ADRA1B: variants seen among roughly 807,000 people sequenced by gnomAD.
ADRA1B encodes alpha-1B adrenergic receptor.
A neutral mutation model predicts 17.9 loss-of-function variants in ADRA1B; 17 were observed. That is an observed-to-expected ratio of 0.95 (90% CI 0.65 to 1.42). The LOEUF (loss-of-function observed/expected upper bound fraction) is 1.42, where lower values mean the gene tolerates loss of function less well. ADRA1B is among the 40% of genes most tolerant of loss of function. The pLI, the probability that ADRA1B is intolerant of heterozygous loss-of-function variation, is 0.00. For synonymous variants in ADRA1B, 366 were observed against 327.6 expected (o/e 1.12, Z -1.27); for missense variants, 681 against 722.1 (o/e 0.94, Z 0.65).
At chr5:159,961,295 T>C (rs2113281061) in intron 1 of ADRA1B, among the ~76,000 whole-genome samples, 2 of 152,340 alleles carry the variant, frequency 1.3e-5, no homozygotes, top group Middle Eastern at 6.8e-3. Flanking sequence ...CAATAGAGAA[T>C]GTTTGTAAAT....
chr5:159,906,052 G>A (rs148225423), intron 1 of ADRA1B, among the ~76,000 whole-genome samples: 4 of 152,092 alleles, frequency 2.6e-5, no homozygotes, highest in Non-Finnish European at 2.9e-5. Flanking sequence ...ATAGGGTTTC[G>A]CCACATTGGC....
chr5:159,971,879 GCTCCTTGTTCTCCACCCT>G lies in ADRA1B; in HGVS notation c.951_968del (p.Ser318_Leu323del). 2 of 1,328,030 alleles carry G rather than the reference GCTCCTTGTTCTCCACCCT, an allele frequency of 1.5e-6. No homozygotes were observed. The highest frequency in any genetic ancestry group is 1.5e-5 in the African/African-American group (1 of 64,590). 82.3% of individuals were successfully genotyped at this position (1,328,030 alleles called of 1,614,324 possible). A position where few individuals can be genotyped will look rare whatever the true frequency, so the allele number is the denominator to read the frequency against. On this transcript the variant is annotated inframe_deletion and splice_region_variant, in exon 2 of 2. Coordinates refer to ENST00000306675, the MANE Select transcript of ADRA1B (RefSeq NM_000679.4). ...GTGCCCACCCCCCTCCCCACTGCAG[GCTCCTTGTTCTCCACCCT>G]GAAGCCCCCCGACGCCGTGTTCAAG...
intron 1 of ADRA1B, among the ~76,000 whole-genome samples, chr5:159,936,502 T>C (rs1219307166): frequency 6.6e-6 from 1 of 152,208 alleles, no homozygotes; most frequent in East Asian, 1.9e-4. Context: ...GTCTATACCA[T>C]TTGTTAAATC....
intron 1 of ADRA1B, among the ~76,000 whole-genome samples, chr5:159,963,288 G>GTATATATATATATATATATA (rs10522262): frequency 0.022 from 2,856 of 132,122 alleles, 76 homozygotes; most frequent in South Asian, 0.042. Flanking sequence ...AACAAAAAAA[G>GTATATATATATATATATATA]TATATATATA....
chr5:159,903,218 A>G (rs756797493), intron 1 of ADRA1B, among the ~76,000 whole-genome samples: 1 of 152,184 alleles, frequency 6.6e-6, no homozygotes, highest in Admixed American at 6.5e-5. Context: ...CAAATGTTCA[A>G]ACAGGCAGAA....
chr5:159,914,936 T>C (rs1358670514), upstream of ADRA1B, among the ~76,000 whole-genome samples: 1 of 152,240 alleles, frequency 6.6e-6, no homozygotes, highest in African/African-American at 2.4e-5. Flanking sequence ...TGCTAGCCTA[T>C]GACCTCAGGA....
At chr5:159,940,169 T>C (rs1755085970) in intron 1 of ADRA1B, among the ~76,000 whole-genome samples, 1 of 152,272 alleles carries the variant, frequency 6.6e-6, no homozygotes, top group Non-Finnish European at 1.5e-5. Flanking sequence ...CTGTGTGTAC[T>C]GGCAAAGACT....
intron 1 of ADRA1B, chr5:159,948,041 A>G: frequency 2.0e-6 from 2 of 985,474 alleles, no homozygotes; most frequent in Non-Finnish European, 2.4e-6. Context: ...ACACTGGCCC[A>G]TCGGTTTCAC....
intron 1 of ADRA1B, among the ~76,000 whole-genome samples, chr5:159,901,425 GGA>G (rs1211609652): frequency 9.1e-6 from 1 of 110,256 alleles, no homozygotes; most frequent in African/African-American, 3.6e-5. Context: ...GAAGGGGGAG[GGA>G]GAGGGGGAGG....
the ADRA1B span, among the ~76,000 whole-genome samples, chr5:159,980,013 G>A: frequency 2.6e-5 from 4 of 151,916 alleles, no homozygotes; most frequent in South Asian, 2.1e-4. Context: ...CAATGTAAGC[G>A]GACCATCGTG....
chr5:159,895,218 C>A (rs984002178), intron 1 of ADRA1B, among the ~76,000 whole-genome samples: 1 of 152,202 alleles, frequency 6.6e-6, no homozygotes, highest in Non-Finnish European at 1.5e-5. Context: ...AAGACACTAC[C>A]CTTCTAGACC....
intron 1 of ADRA1B, chr5:159,888,051 A>T (rs148044825): frequency 3.2e-3 from 484 of 152,326 alleles, no homozygotes; most frequent in African/African-American, 0.011. Context: ...TCAGGAGAAA[A>T]GCATGCAGCC....
chr5:159,938,405 T>C (rs1479197261), intron 1 of ADRA1B, among the ~76,000 whole-genome samples: 1 of 152,230 alleles, frequency 6.6e-6, no homozygotes, highest in African/African-American at 2.4e-5. Flanking sequence ...CGTTAGGGAA[T>C]ATGGAAGACC....
At chr5:159,978,329 C>T in the ADRA1B span, among the ~76,000 whole-genome samples, 1 of 152,208 alleles carries the variant, frequency 6.6e-6, no homozygotes, top group Non-Finnish European at 1.5e-5. Flanking sequence ...ATGGGAAGCA[C>T]ATGGCAGGGG....
At chr5:159,933,677 G>A (rs1318431356) in intron 1 of ADRA1B, among the ~76,000 whole-genome samples, 1 of 152,210 alleles carries the variant, frequency 6.6e-6, no homozygotes, top group Non-Finnish European at 1.5e-5. Context: ...CAGAATGTGT[G>A]TATTTTATCC....
At chr5:159,924,172 T>G (rs1256548570) in intron 1 of ADRA1B, among the ~76,000 whole-genome samples, 1 of 152,274 alleles carries the variant, frequency 6.6e-6, no homozygotes, top group African/African-American at 2.4e-5. Context: ...CTAAATGTAT[T>G]TCATGTAAAT....
intron 1 of ADRA1B, among the ~76,000 whole-genome samples, chr5:159,946,983 G>C (rs186926180): frequency 7.2e-5 from 11 of 152,318 alleles, no homozygotes; most frequent in African/African-American, 2.6e-4. Flanking sequence ...GTTTCAGTAC[G>C]TTATCTTATT....
At chr5:159,986,415 C>T in the ADRA1B span, among the ~76,000 whole-genome samples, 1 of 152,214 alleles carries the variant, frequency 6.6e-6, no homozygotes, top group Non-Finnish European at 1.5e-5. Context: ...ATTGATTATT[C>T]ACACTCACGT....
the ADRA1B span, among the ~76,000 whole-genome samples, chr5:159,985,843 C>A: frequency 2.0e-5 from 3 of 152,214 alleles, no homozygotes; most frequent in African/African-American, 7.2e-5. Flanking sequence ...TGGAACAAGG[C>A]ACTGTGGGAC....
Sources: allele counts gnomAD v4.1 joint callset (sites outside exome capture counted in the v4.1 genomes callset), GRCh38; gene constraint gnomAD v4.1.1; transcripts MANE v1.5; gene names NCBI Gene and HGNC (gene_info 2026-07-23, HGNC 2026-07-21).